Variants in NR2C2 observed in about 807,000 individuals in gnomAD.
The protein encoded by NR2C2 is nuclear receptor subfamily 2 group C member 2.
NR2C2 carries 6 observed loss-of-function variants against 62.9 expected under a neutral mutation model. That is an observed-to-expected ratio of 0.10 (90% confidence interval 0.05 to 0.19). NR2C2 has a LOEUF of 0.19. Among genes scored for constraint, NR2C2 ranks in the 10% least tolerant of loss-of-function variants. The probability of loss-of-function intolerance (pLI) is 1.00; values close to 1 mark genes in which losing one functional copy is unlikely to be tolerated. For missense variants in NR2C2, 479 were observed against 762.7 expected (o/e 0.63, Z 4.38); for synonymous variants, 272 against 273.8 (o/e 0.99, Z 0.07).
At chr3:15,004,688 C>T (rs2041117884) in intron 2 of NR2C2, 2 of 1,517,452 alleles carry the variant, frequency 1.3e-6, no homozygotes, top group African/African-American at 1.4e-5. Flanking sequence ...TTATTGTTAT[C>T]TCAACAAGCT....
chr3:14,949,934 A>T (rs144091258), intron 1 of NR2C2, among the ~76,000 whole-genome samples: 1 of 152,200 alleles, frequency 6.6e-6, no homozygotes, highest in Non-Finnish European at 1.5e-5. Context: ...CAACTCCCCA[A>T]CTTTTACTAG....
At chr3:14,970,077 T>C (rs2039992032) in intron 1 of NR2C2, among the ~76,000 whole-genome samples, 1 of 152,162 alleles carries the variant, frequency 6.6e-6, no homozygotes, top group African/African-American at 2.4e-5. Context: ...CATTTAAAAG[T>C]TGACCAATAC....
At position 15,016,097 on chromosome 3, in the gene NR2C2, C is replaced by A. The variant is rs781715831; in HGVS notation, c.274-55C>A. On this transcript the variant is annotated intron_variant, in intron 3 of 13. Coordinates refer to ENST00000425241, the MANE Select transcript of NR2C2 (RefSeq NM_001291694.2). ...GATTATAGACGTGAGCCACCGTGCC[C>A]GGCAGTGATTTGATTTTTAATTGGC... The A allele has an allele frequency of 2.9e-5, 40 of 1,377,366 alleles. No individual in the cohort carries two copies. The South Asian group carries it at 4.5e-4, about 16-fold the overall frequency. 85.3% of individuals were successfully genotyped at this position (1,377,366 alleles called of 1,614,324 possible).
At chr3:14,973,438 C>T (rs1306857460) in intron 1 of NR2C2, among the ~76,000 whole-genome samples, 8 of 152,008 alleles carry the variant, frequency 5.3e-5, no homozygotes, top group African/African-American at 1.5e-4. Context: ...CTTGCTATGC[C>T]GCCCAGGCTG....
chr3:15,008,064 G>A (rs748602172), intron 2 of NR2C2, among the ~76,000 whole-genome samples: 1 of 152,168 alleles, frequency 6.6e-6, no homozygotes, highest in Non-Finnish European at 1.5e-5. Context: ...TAAAGAGGTA[G>A]CCAACCCACA....
chr3:14,948,300 G>T (rs1393747478), intron 1 of NR2C2: 5 of 152,586 alleles, frequency 3.3e-5, no homozygotes, highest in Non-Finnish European at 5.9e-5. Flanking sequence ...TTCTCTGCCG[G>T]GATTTTCACC....
Position 15,013,594 on chromosome 3 carries a change from C to A in NR2C2, c.78C>A (p.Val26=). The A allele has an allele frequency of 6.2e-7, 1 of 1,613,946 alleles. No individual in the cohort carries two copies. The highest frequency in any genetic ancestry group is 1.1e-5 in the South Asian group (1 of 91,048). The change falls in exon 3 of 14, where the codon GTC becomes GTA. Residue 26 remains valine (V), a synonymous_variant. Coordinates refer to ENST00000425241, the MANE Select transcript of NR2C2 (RefSeq NM_001291694.2). ...CTCCATGTTGTGTCTTATAGATTGT[C>A]ACAGACCAGCAGACAGGACAGAAAA... is the stretch of plus-strand genomic sequence containing the variant. The part of the protein sequence containing the change: ...AVASPQRIQI[V]TDQQTGQKIQ...
chr3:14,980,500 TCTA>T (rs2040335812), intron 1 of NR2C2, among the ~76,000 whole-genome samples: 1 of 152,104 alleles, frequency 6.6e-6, no homozygotes, highest in South Asian at 2.1e-4. Flanking sequence ...AGCAAGTGCT[TCTA>T]CTATTATGTG....
chr3:15,003,295 T>TA (rs1473409146), intron 1 of NR2C2, among the ~76,000 whole-genome samples: 2 of 152,154 alleles, frequency 1.3e-5, no homozygotes, highest in African/African-American at 2.4e-5. Flanking sequence ...CTGCTTCAGA[T>TA]ACCCAGGTGA....
intron 1 of NR2C2, among the ~76,000 whole-genome samples, chr3:14,994,506 A>T (rs2040765102): frequency 7.5e-6 from 1 of 132,718 alleles, no homozygotes; most frequent in Non-Finnish European, 1.5e-5. Flanking sequence ...GCAGTGGTGC[A>T]ATCTCAGCTC....
chr3:15,015,518 G>A (rs1254199927), intron 3 of NR2C2, among the ~76,000 whole-genome samples: 3 of 152,098 alleles, frequency 2.0e-5, no homozygotes, highest in African/African-American at 7.2e-5. Context: ...AAGTTGTTAC[G>A]GGAAGAATCT....
At chr3:15,003,854 C>A in intron 1 of NR2C2, 22 bp from the exon 2 acceptor site, 1 of 1,532,070 alleles carries the variant, frequency 6.5e-7, no homozygotes, top group Non-Finnish European at 9.0e-7. Flanking sequence ...CCCTTGTGAT[C>A]CAGCCCACTT....
chr3:15,004,504 T>C, intron 2 of NR2C2: 10 of 1,500,438 alleles, frequency 6.7e-6, no homozygotes, highest in East Asian at 2.3e-5. Flanking sequence ...AACTTATTAC[T>C]AATATTGTTA....
chr3:15,005,002 C>T (rs968035778), intron 2 of NR2C2, among the ~76,000 whole-genome samples: 1 of 152,026 alleles, frequency 6.6e-6, no homozygotes, highest in Admixed American at 6.6e-5. Flanking sequence ...ATACTCCTGC[C>T]TCAGCTTCCC....
intron 3 of NR2C2, among the ~76,000 whole-genome samples, chr3:15,015,619 G>T (rs967404673): frequency 6.6e-6 from 1 of 152,182 alleles, no homozygotes; most frequent in Admixed American, 6.5e-5. Context: ...GTAGATCAGT[G>T]GAAACCAGCG....
At chr3:15,014,004 A>C (rs1217982211) in intron 3 of NR2C2, among the ~76,000 whole-genome samples, 1 of 152,208 alleles carries the variant, frequency 6.6e-6, no homozygotes, top group South Asian at 2.1e-4. Context: ...AGAGGATGGA[A>C]GTAGAACCTG....
At chr3:14,948,180 G>A (rs2039196596) in intron 1 of NR2C2, 1 of 152,532 alleles carries the variant, frequency 6.6e-6, no homozygotes, top group African/African-American at 2.4e-5. Flanking sequence ...CCGCCTTATA[G>A]TTGGCCCTCC....
chr3:14,958,897 A>C (rs1179408948), intron 1 of NR2C2, among the ~76,000 whole-genome samples: 2 of 152,216 alleles, frequency 1.3e-5, no homozygotes, highest in Admixed American at 1.3e-4. Flanking sequence ...AATCGCTTGA[A>C]CCAGGGAGTC....
chr3:15,019,388 T>C (rs2041607547), intron 4 of NR2C2, among the ~76,000 whole-genome samples: 1 of 152,128 alleles, frequency 6.6e-6, no homozygotes, highest in South Asian at 2.1e-4. Context: ...AAAATAGAAC[T>C]ACCACATGAT....
Sources: gnomAD v4.1 joint callset for allele counts (sites outside exome capture counted in the v4.1 genomes callset) on GRCh38, gnomAD v4.1.1 for gene constraint, MANE v1.5 for transcripts, NCBI Gene and HGNC (gene_info 2026-07-23, HGNC 2026-07-21) for gene names.